The following HPCAL1 variants were observed in gnomAD, a reference collection of about 807,000 sequenced individuals.
The protein encoded by HPCAL1 is hippocalcin-like protein 1.
Under a neutral mutation model 17.1 loss-of-function variants are expected in HPCAL1, and 8 were observed. The ratio of observed to expected loss-of-function variants is 0.47; its 90% CI spans 0.27 to 0.84. The LOEUF (loss-of-function observed/expected upper bound fraction) is 0.84, where lower values mean the gene tolerates loss of function less well. Ranked by LOEUF, HPCAL1 falls within the 40% of genes least tolerant of loss-of-function variation. The pLI, the probability that HPCAL1 is intolerant of heterozygous loss-of-function variation, is 0.13. For missense variants in HPCAL1, 165 were observed against 271.1 expected (o/e 0.61, Z 2.75); for synonymous variants, 112 against 111.4 (o/e 1.01, Z -0.03).
At chr2:10,374,906 A>G (rs1257463161) in intron 1 of HPCAL1, among the ~76,000 whole-genome samples, 1 of 152,212 alleles carries the variant, frequency 6.6e-6, no homozygotes, top group Non-Finnish European at 1.5e-5. Flanking sequence ...ATTCACCCAG[A>G]GAATAGGTGC....
rs113338415 is a variant in HPCAL1 at position 10,384,354 on chromosome 2, C to T, written c.-110-12481C>T. Among the ~76,000 whole-genome samples, 40 of 152,214 alleles carry T rather than the reference C, an allele frequency of 2.6e-4. No homozygotes were observed. The highest frequency in any genetic ancestry group is 9.6e-4 in the African/African-American group (40 of 41,542). ...GGAGAGAACACCCTCCACACATCCCCGTGGGATGTCTGGAGGGAAGGGTTT... is the reference window on the plus strand; with the variant it reads ...GGAGAGAACACCCTCCACACATCCCTGTGGGATGTCTGGAGGGAAGGGTTT... On this transcript the variant is annotated intron_variant, in intron 1 of 4. Coordinates refer to ENST00000307845, the MANE Select transcript of HPCAL1 (RefSeq NM_002149.4). This position sits in a 1 kb window ranked among gnomAD's most constrained non-coding sequence, Gnocchi z 4.4.
chr2:10,380,852 T>C (rs1667897468), intron 1 of HPCAL1, among the ~76,000 whole-genome samples: 1 of 152,236 alleles, frequency 6.6e-6, no homozygotes. Flanking sequence ...GCGGGTTCCT[T>C]GAAAACAGGA....
intron 1 of HPCAL1, among the ~76,000 whole-genome samples, chr2:10,351,794 T>A (rs1461049924): frequency 6.6e-6 from 1 of 151,680 alleles, no homozygotes; most frequent in Non-Finnish European, 1.5e-5. Context: ...AGGGCAAAAT[T>A]CTCCCTGTCT....
intron 2 of HPCAL1, among the ~76,000 whole-genome samples, chr2:10,410,133 G>A (rs1670257853): frequency 6.6e-6 from 1 of 152,086 alleles, no homozygotes; most frequent in South Asian, 2.1e-4. Flanking sequence ...CACCTCTCTG[G>A]TCGCCTTCCC....
chr2:10,382,950 C>T (rs572159191), intron 1 of HPCAL1, among the ~76,000 whole-genome samples: 91 of 152,314 alleles, frequency 6.0e-4, no homozygotes, highest in African/African-American at 2.0e-3. Flanking sequence ...AGGGGAGTGG[C>T]GGCTCGCTTG....
At chr2:10,399,433 C>CCAT (rs1669383453) in intron 2 of HPCAL1, among the ~76,000 whole-genome samples, 3 of 75,316 alleles carry the variant, frequency 4.0e-5, no homozygotes, top group Non-Finnish European at 6.3e-5. Context: ...ATCACCACCA[C>CCAT]CACCACCATC....
At chr2:10,311,163 GC>G (rs1662938321) in intron 1 of HPCAL1, among the ~76,000 whole-genome samples, 1 of 151,846 alleles carries the variant, frequency 6.6e-6, no homozygotes, top group South Asian at 2.1e-4. Context: ...TTGTCCCCCC[GC>G]CCCCCAATCC....
Position 10,303,039 on chromosome 2 carries a change from G to T in HPCAL1, c.-249G>T, listed in dbSNP as rs977419890. 2.0e-5 allele frequency: 3 copies of T among 151,838 alleles called. No individual in the cohort carries two copies. The highest frequency in any genetic ancestry group is 4.4e-5 in the Non-Finnish European group (3 of 67,940). 9.4% of individuals were successfully genotyped at this position (151,838 alleles called of 1,614,324 possible). On this transcript the variant is annotated 5_prime_UTR_variant, in exon 1 of 5. Coordinates refer to ENST00000307845, the MANE Select transcript of HPCAL1 (RefSeq NM_002149.4). ...CAGGGCCGGCGCAGCAGCTGCGGGC[G>T]CACGGAGGCCCGCGCTGCTAGTCAC...
At chr2:10,373,174 G>C (rs1667333584) in intron 1 of HPCAL1, among the ~76,000 whole-genome samples, 1 of 152,234 alleles carries the variant, frequency 6.6e-6, no homozygotes, top group Non-Finnish European at 1.5e-5. Flanking sequence ...GTAACTACAA[G>C]GGCCAAGAAG....
In HPCAL1 at chr2:10,323,108, G is replaced by GCCA. The variant is rs1426171227; in HGVS notation, c.-111+19939_-111+19941dup. Among the ~76,000 whole-genome samples, 1 of 152,148 alleles carries GCCA rather than the reference G, an allele frequency of 6.6e-6. No homozygotes were observed. Among genetic ancestry groups the GCCA allele is most frequent in the African/African-American group, 2.4e-5 (1 of 41,430 alleles). On this transcript the variant is annotated intron_variant, in intron 1 of 4. Transcript: ENST00000307845. The surrounding 1 kb of genome is among the most constrained non-coding windows in gnomAD (Gnocchi z 4.6). ...TGAGGTCCACCATGACTGTGCTGCA[G>GCCA]CCACCACCACTGGCCGCTTCATGGC...
intron 3 of HPCAL1, 54 bp downstream of exon 3, chr2:10,420,189 T>A: frequency 9.9e-6 from 8 of 806,458 alleles, no homozygotes; most frequent in Non-Finnish European, 1.4e-5. Context: ...CCCTCCCAGC[T>A]CCCAGCCCCC....
chr2:10,424,168 G>A (rs1057252828), intron 4 of HPCAL1: 1 of 272,172 alleles, frequency 3.7e-6, no homozygotes. Context: ...AAGCTGCTCT[G>A]CGAAGTCTGG....
At chr2:10,328,815 AACTTTCT>A (rs1393335223) in intron 1 of HPCAL1, among the ~76,000 whole-genome samples, 2 of 151,912 alleles carry the variant, frequency 1.3e-5, no homozygotes, top group East Asian at 3.9e-4. Flanking sequence ...TCCCCATCTG[AACTTTCT>A]CTGCCCCTTT....
intron 2 of HPCAL1, among the ~76,000 whole-genome samples, chr2:10,399,955 T>C (rs1011478786): frequency 6.6e-6 from 1 of 152,200 alleles, no homozygotes; most frequent in African/African-American, 2.4e-5. Flanking sequence ...CCAAGGACCT[T>C]GAGCTCCACT....
chr2:10,326,674 G>A (rs10210305), intron 1 of HPCAL1, among the ~76,000 whole-genome samples: 6,537 of 152,300 alleles, frequency 0.043, 463 homozygotes, highest in African/African-American at 0.15. Flanking sequence ...CCCCTTGCAT[G>A]AGGAGGGATT....
At chr2:10,399,247 CCACCACCACCACCAT>C (rs1669297391) in intron 2 of HPCAL1, among the ~76,000 whole-genome samples, 5 of 92,760 alleles carry the variant, frequency 5.4e-5, no homozygotes, top group East Asian at 2.9e-4. Flanking sequence ...ACCATCACCA[CCACCACCACCACCAT>C]CACCACCACC....
rs1572882041 is a variant in HPCAL1 at position 10,426,938 on chromosome 2, CATGCGTTGCACCTGCCCAG to C, written c.*118_*136del. On this transcript the variant is annotated 3_prime_UTR_variant, in exon 5 of 5. Transcript: ENST00000307845. ...GCTCTCCCGGGCCCCGGGCCTGGGG[CATGCGTTGCACCTGCCCAG>C]CCCGGTGGCTGCGCCTCCCTCCTCC... 3 of 937,534 alleles carry C rather than the reference CATGCGTTGCACCTGCCCAG, an allele frequency of 3.2e-6. No individual in the cohort carries two copies. In the East Asian group the frequency reaches 7.7e-5, roughly 24 times the overall value. 58.1% of individuals were successfully genotyped at this position (937,534 alleles called of 1,614,324 possible).
At chr2:10,366,591 T>A (rs1666870490) in intron 1 of HPCAL1, among the ~76,000 whole-genome samples, 1 of 152,204 alleles carries the variant, frequency 6.6e-6, no homozygotes, top group Non-Finnish European at 1.5e-5. Flanking sequence ...CACAGACAGA[T>A]GTTCCAAGAG....
At chr2:10,337,781 C>T (rs1023447959) in intron 1 of HPCAL1, among the ~76,000 whole-genome samples, 5 of 152,184 alleles carry the variant, frequency 3.3e-5, no homozygotes, top group African/African-American at 7.2e-5. Context: ...TCTTGTGCCC[C>T]GTTTTTCACA....
Sources: allele counts gnomAD v4.1 joint callset (sites outside exome capture counted in the v4.1 genomes callset), GRCh38; gene constraint gnomAD v4.1.1; non-coding constraint Gnocchi (gnomAD v3.1); transcripts MANE v1.5; gene names NCBI Gene and HGNC (gene_info 2026-07-23, HGNC 2026-07-21).